Variants in DENND1B observed in about 807,000 individuals in gnomAD.
The protein encoded by DENND1B is DENN domain-containing protein 1B.
A neutral mutation model predicts 90.1 loss-of-function variants in DENND1B; 59 were observed. The observed-to-expected ratio is 0.65, with a 90% CI of 0.53 to 0.81. DENND1B has a LOEUF of 0.81. Ranked by LOEUF, DENND1B falls within the 40% of genes least tolerant of loss-of-function variation. The pLI is 0.00. For synonymous variants in DENND1B, 337 were observed against 324.6 expected, an observed-to-expected ratio of 1.04 and a Z score of -0.41; for missense variants, 862 against 912.6, an observed-to-expected ratio of 0.94 and a Z score of 0.71.
intron 15 of DENND1B, among the ~76,000 whole-genome samples, chr1:197,562,098 C>A (rs191700149): frequency 1.6e-4 from 25 of 151,932 alleles, no homozygotes; most frequent in Admixed American, 7.2e-4. Flanking sequence ...ATTTAACATA[C>A]CCTGTTCTAT....
chr1:197,637,692 T>C (rs772994123), intron 10 of DENND1B, among the ~76,000 whole-genome samples: 2 of 152,132 alleles, frequency 1.3e-5, no homozygotes, highest in Admixed American at 6.5e-5. Flanking sequence ...AACTGGTAAG[T>C]AGAATTATTC....
rs562233575 is a variant in DENND1B at position 197,746,180 on chromosome 1, C to A, written c.82+26688G>T. The stretch of plus-strand genomic sequence containing the variant: ...GCCAAGGCAGATGGATCATATCAGG[C>A]CAGGAGTTCAAGACCAACCTAACCA... On this transcript the variant is annotated intron_variant, in intron 2 of 22. Coordinates refer to ENST00000620048, the MANE Select transcript of DENND1B (RefSeq NM_001195215.2). 5.9e-4 allele frequency among the ~76,000 whole-genome samples: 90 copies of A among 152,214 alleles called. 1 individual carries two copies. Among genetic ancestry groups the A allele is most frequent in the Non-Finnish European group, 1.0e-3 (71 of 68,004 alleles).
chr1:197,558,142 G>T (rs1219674370), intron 15 of DENND1B, among the ~76,000 whole-genome samples: 5 of 151,530 alleles, frequency 3.3e-5, no homozygotes, highest in Admixed American at 2.0e-4. Context: ...AAGAACTTAA[G>T]AATTTGCTTT....
chr1:197,599,784 C>A (rs1676038568), intron 13 of DENND1B, among the ~76,000 whole-genome samples: 1 of 151,738 alleles, frequency 6.6e-6, no homozygotes, highest in African/African-American at 2.4e-5. Context: ...ATATACTTAC[C>A]TACAGAGCAT....
At chr1:197,569,701 A>G (rs1319508405) in intron 15 of DENND1B, among the ~76,000 whole-genome samples, 4 of 152,128 alleles carry the variant, frequency 2.6e-5, no homozygotes, top group African/African-American at 9.7e-5. Flanking sequence ...AGGCATCAAA[A>G]GACAAATAGT....
intron 10 of DENND1B, among the ~76,000 whole-genome samples, chr1:197,627,371 A>G (rs1205169794): frequency 1.3e-5 from 2 of 152,170 alleles, no homozygotes; most frequent in African/African-American, 4.8e-5. Flanking sequence ...AGGCTGGTTC[A>G]ATACACGCAA....
upstream of DENND1B, among the ~76,000 whole-genome samples, chr1:197,779,645 A>G (rs1657380185): frequency 6.6e-6 from 1 of 151,540 alleles, no homozygotes; most frequent in Non-Finnish European, 1.5e-5. Context: ...GCTTTGTCTC[A>G]TTTTCTGTCA....
chr1:197,614,689 G>A (rs1677484161), intron 11 of DENND1B, among the ~76,000 whole-genome samples: 1 of 150,544 alleles, frequency 6.6e-6, no homozygotes, highest in Non-Finnish European at 1.5e-5. Flanking sequence ...GACCACTCAT[G>A]ACACAGACTA....
intron 3 of DENND1B, among the ~76,000 whole-genome samples, chr1:197,707,229 T>A (rs1023644454): frequency 1.3e-5 from 2 of 151,874 alleles, no homozygotes; most frequent in African/African-American, 4.8e-5. Context: ...AGAAGTAGAG[T>A]AGAATAGTGG....
chr1:197,721,706 A>T (rs1326072937), intron 2 of DENND1B, among the ~76,000 whole-genome samples: 5 of 152,244 alleles, frequency 3.3e-5, no homozygotes, highest in African/African-American at 1.2e-4. Flanking sequence ...TATAGACTTG[A>T]TATGACAACA....
intron 20 of DENND1B, among the ~76,000 whole-genome samples, chr1:197,528,084 T>C (rs1480624291): frequency 6.6e-6 from 1 of 152,200 alleles, no homozygotes; most frequent in Non-Finnish European, 1.5e-5. Flanking sequence ...CACACCCTAC[T>C]AGGTGTGGAC....
At position 197,511,295 on chromosome 1, in the gene DENND1B, A is replaced by T. The variant is rs1002328774; in HGVS notation, c.1816-323T>A. 2.6e-5 allele frequency among the ~76,000 whole-genome samples: 4 copies of T among 151,810 alleles called. No homozygotes were observed. In the South Asian group the frequency reaches 6.2e-4, roughly 24 times the overall value. ...CTCTGCTGTTTTTAAGCATTCAGTT[A>T]AATTTGCATAAAATAATGTTAAAAA... On this transcript the variant is annotated intron_variant, in intron 22 of 22. Coordinates refer to ENST00000620048, the MANE Select transcript of DENND1B (RefSeq NM_001195215.2).
chr1:197,521,504 A>G (rs945586885), intron 20 of DENND1B, among the ~76,000 whole-genome samples: 3 of 151,978 alleles, frequency 2.0e-5, no homozygotes, highest in Non-Finnish European at 4.4e-5. Flanking sequence ...AAGTAGGTAC[A>G]ATCTGTACTA....
chr1:197,671,087 T>C (rs893655249), intron 5 of DENND1B, among the ~76,000 whole-genome samples: 1 of 152,156 alleles, frequency 6.6e-6, no homozygotes, highest in African/African-American at 2.4e-5. Flanking sequence ...TAGCTAAATA[T>C]GAATAGCAAA....
intron 14 of DENND1B, among the ~76,000 whole-genome samples, chr1:197,590,061 A>G (rs192875169): frequency 1.0e-3 from 154 of 152,314 alleles, no homozygotes; most frequent in African/African-American, 3.6e-3. Context: ...TAGTTATTTA[A>G]TACAATCATT....
intron 2 of DENND1B, chr1:197,735,825 T>C (rs779705831): frequency 5.6e-6 from 9 of 1,607,520 alleles, no homozygotes; most frequent in African/African-American, 2.7e-5. Flanking sequence ...AAAGGGACAA[T>C]TGGAAGAAAT....
At chr1:197,530,520 A>C (rs2125634915) in intron 20 of DENND1B, among the ~76,000 whole-genome samples, 1 of 152,280 alleles carries the variant, frequency 6.6e-6, no homozygotes. Flanking sequence ...TGGTACAATA[A>C]GTTTTATATT....
chr1:197,656,809 A>C (rs1314590340), intron 6 of DENND1B, among the ~76,000 whole-genome samples: 2 of 152,058 alleles, frequency 1.3e-5, no homozygotes, highest in Non-Finnish European at 2.9e-5. Context: ...GTCTCCAAAA[A>C]AAATTTAAAA....
intron 15 of DENND1B, among the ~76,000 whole-genome samples, chr1:197,576,796 T>C (rs896167572): frequency 6.6e-6 from 1 of 152,148 alleles, no homozygotes; most frequent in Non-Finnish European, 1.5e-5. Context: ...GAAAAGGTTT[T>C]GGGGGAACAT....
Sources: allele counts gnomAD v4.1 joint callset (sites outside exome capture counted in the v4.1 genomes callset), GRCh38; gene constraint gnomAD v4.1.1; transcripts MANE v1.5; gene names NCBI Gene and HGNC (gene_info 2026-07-23, HGNC 2026-07-21).